The following MYL3 variants were observed in gnomAD, a reference collection of about 807,000 sequenced individuals.
The protein encoded by MYL3 is myosin light chain 3.
In MYL3, 11 loss-of-function variants were observed where a neutral mutation model predicts 21.3. The ratio of observed to expected loss-of-function variants is 0.52; its 90% CI spans 0.32 to 0.85. The LOEUF (loss-of-function observed/expected upper bound fraction) is 0.85, where lower values mean the gene tolerates loss of function less well. Ranked by LOEUF, MYL3 falls within the 40% of genes least tolerant of loss-of-function variation. The probability of loss-of-function intolerance (pLI) is 0.03; values close to 1 mark genes in which losing one functional copy is unlikely to be tolerated. For synonymous variants in MYL3, 88 were observed against 91.6 expected (o/e 0.96, Z 0.22); for missense variants, 206 against 253.3 (o/e 0.81, Z 1.27).
chr3:46,874,580 C>T lies in MYL3; in HGVS notation c.-218+7494G>A, dbSNP rs567438968. Among the ~76,000 whole-genome samples, 8 of 152,264 alleles carry T rather than the reference C, an allele frequency of 5.3e-5. No individual in the cohort carries two copies. The highest frequency in any genetic ancestry group is 3.3e-4 in the Admixed American group (5 of 15,294). On this transcript the variant is annotated intron_variant, in intron 1 of 3. Coordinates refer to the MYL3 transcript ENST00000431168. This position sits in a 1 kb window ranked among gnomAD's most constrained non-coding sequence, Gnocchi z 4.1. ...CCAGCCGGCCTCTGGAACGCGTGCCCGGGACCTCGGTGATATTTTGAGTTT... is the reference window on the plus strand; with the variant it reads ...CCAGCCGGCCTCTGGAACGCGTGCCTGGGACCTCGGTGATATTTTGAGTTT...
At chr3:46,871,447 T>A (rs866990792) in intron 1 of MYL3, among the ~76,000 whole-genome samples, 1 of 152,084 alleles carries the variant, frequency 6.6e-6, no homozygotes, top group Middle Eastern at 3.4e-3. Flanking sequence ...CCGGGCCAGA[T>A]AAGGACGGGG....
chr3:46,872,352 G>A (rs1376319034), intron 1 of MYL3, among the ~76,000 whole-genome samples: 1 of 152,182 alleles, frequency 6.6e-6, no homozygotes, highest in African/African-American at 2.4e-5. Flanking sequence ...CCATCCAAAG[G>A]GAGGCCCTGC....
intron 1 of MYL3, among the ~76,000 whole-genome samples, chr3:46,862,387 AC>A (rs1702001429): frequency 6.6e-6 from 1 of 152,104 alleles, no homozygotes; most frequent in African/African-American, 2.4e-5. Flanking sequence ...TGGGATTTGA[AC>A]CCTTGCCTCA....
At chr3:46,868,760 G>A (rs145542572) in intron 1 of MYL3, among the ~76,000 whole-genome samples, 14 of 152,354 alleles carry the variant, frequency 9.2e-5, no homozygotes, top group African/African-American at 3.4e-4. Flanking sequence ...ACTTCTCAGG[G>A]GCCTGGACTG....
At chr3:46,867,354 G>A (rs374480506), upstream of MYL3, among the ~76,000 whole-genome samples, 3 of 152,330 alleles carry the variant, frequency 2.0e-5, no homozygotes, top group South Asian at 6.2e-4. Context: ...CCAGATCAGC[G>A]TGGCCCTGTG....
In MYL3 at chr3:46,860,247, G is replaced by A. The variant is rs1435932401; in HGVS notation, c.307+429C>T. 6.6e-6 allele frequency among the ~76,000 whole-genome samples: 1 copy of A among 152,134 alleles called. No individual in the cohort carries two copies. The highest frequency in any genetic ancestry group is 1.5e-5 in the Non-Finnish European group (1 of 68,022). ...GGGCTCACGGGATCCTCCTGGCTCAGCTTCCTGAGTAGCTGGGACCATAGG... is the reference window on the plus strand; with the variant it reads ...GGGCTCACGGGATCCTCCTGGCTCAACTTCCTGAGTAGCTGGGACCATAGG... On this transcript the variant is annotated intron_variant, in intron 3 of 6. Coordinates refer to ENST00000292327, the MANE Select transcript of MYL3 (RefSeq NM_000258.3). The surrounding 1 kb of genome is among the most constrained non-coding windows in gnomAD (Gnocchi z 4.6).
rs1025571434 is a variant in MYL3, at chr3:46,859,196, C to T, written c.481+279G>A. Among the ~76,000 whole-genome samples the T allele has an allele frequency of 6.6e-6, 1 of 152,076 alleles. No homozygotes were observed. The highest frequency in any genetic ancestry group is 2.4e-5 in the African/African-American group (1 of 41,396). On this transcript the variant is annotated intron_variant, in intron 4 of 6. Transcript: ENST00000292327. The surrounding 1 kb of genome is among the most constrained non-coding windows in gnomAD (Gnocchi z 4.1). ...GACCTTGGAGTAATGACCACCAGGA[C>T]GGTGGCCTGGAGTCGTGGGAAGGAG...
chr3:46,878,872 T>C (rs2030388312), intron 1 of MYL3, among the ~76,000 whole-genome samples: 1 of 152,158 alleles, frequency 6.6e-6, no homozygotes, highest in Non-Finnish European at 1.5e-5. Flanking sequence ...GGCCCCAGCC[T>C]GGGGATTAGA....
At chr3:46,864,078 G>A (rs1330293607), upstream of MYL3, among the ~76,000 whole-genome samples, 3 of 151,914 alleles carry the variant, frequency 2.0e-5, no homozygotes, top group Non-Finnish European at 2.9e-5. The surrounding 1 kb of genome is among the most constrained non-coding windows in gnomAD (Gnocchi z 4.7). Context: ...GGCTCTGTGC[G>A]TGCCTATGTG....
intron 1 of MYL3, among the ~76,000 whole-genome samples, chr3:46,878,119 C>T (rs1174718952): frequency 1.3e-5 from 2 of 152,224 alleles, no homozygotes; most frequent in African/African-American, 2.4e-5. Flanking sequence ...GTGCCCCCAT[C>T]GCCCCTCCCT....
At chr3:46,863,519 A>C (rs1702014439), upstream of MYL3, 1 of 987,590 alleles carries the variant, frequency 1.0e-6, no homozygotes, top group Non-Finnish European at 1.5e-6. Flanking sequence ...GCAGTGCACA[A>C]TAGGGACAGG....
intron 1 of MYL3, among the ~76,000 whole-genome samples, chr3:46,873,720 G>A (rs2030029943): frequency 6.6e-6 from 1 of 152,144 alleles, no homozygotes; most frequent in African/African-American, 2.4e-5. Flanking sequence ...TGCCTCCACA[G>A]CCCCCACACC....
intron 1 of MYL3, among the ~76,000 whole-genome samples, chr3:46,881,849 C>G (rs981642506): frequency 2.0e-5 from 3 of 151,686 alleles, no homozygotes; most frequent in Admixed American, 6.6e-5. Context: ...CGGCCGGGGG[C>G]GCGCGGGGGT....
At chr3:46,867,810 C>G (rs1211778105), upstream of MYL3, among the ~76,000 whole-genome samples, 2 of 152,238 alleles carry the variant, frequency 1.3e-5, no homozygotes, top group Non-Finnish European at 2.9e-5. Flanking sequence ...GGACCCTGTC[C>G]TGGTGTGGGC....
upstream of MYL3, among the ~76,000 whole-genome samples, chr3:46,864,792 G>C (rs1253475471): frequency 6.6e-6 from 1 of 152,198 alleles, no homozygotes; most frequent in Non-Finnish European, 1.5e-5. The surrounding 1 kb of genome is among the most constrained non-coding windows in gnomAD (Gnocchi z 4.7). Context: ...TCCATCCCAA[G>C]CCCAGCCTTC....
intron 1 of MYL3, among the ~76,000 whole-genome samples, chr3:46,872,653 C>T (rs758156699): frequency 2.0e-4 from 31 of 152,256 alleles, no homozygotes; most frequent in Non-Finnish European, 3.7e-4. Flanking sequence ...CATGGTCTCA[C>T]AGCAGCAGCT....
chr3:46,876,427 C>A (rs2030217618), intron 1 of MYL3, among the ~76,000 whole-genome samples: 1 of 152,226 alleles, frequency 6.6e-6, no homozygotes, highest in African/African-American at 2.4e-5. Context: ...GAATAGCCTA[C>A]GTGTCCCAGG....
Position 46,860,708 on chromosome 3 carries a change from A to C in MYL3, c.275T>G (p.Val92Gly), listed in dbSNP as rs887145234. ...ALGQNPTQAE[V>G]LRVLGKPRQE... The stretch of plus-strand genomic sequence containing the variant: ...TCTTGGCTTCCCCAGGACACGGAGC[A>C]CTTCTGCCTGTGTGGGGTTCTGGCC... The change falls in exon 3 of 7, where the codon GTG becomes GGG. Residue 92 changes from valine (V) to glycine (G), a missense_variant. Physicochemically the swap from Val to Gly is moderately radical, Grantham distance 109. Transcript: ENST00000292327. The surrounding 1 kb of genome is among the most constrained non-coding windows in gnomAD (Gnocchi z 4.6). The C allele has an allele frequency of 6.2e-7, 1 of 1,614,068 alleles. No homozygotes were observed. The highest frequency in any genetic ancestry group is 8.5e-7 in the Non-Finnish European group (1 of 1,179,998).
rs1701972157 is a variant in MYL3 at position 46,859,906 on chromosome 3, G to A, written c.308-258C>T. On this transcript the variant is annotated intron_variant, in intron 3 of 6. Coordinates refer to ENST00000292327, the MANE Select transcript of MYL3 (RefSeq NM_000258.3). This position sits in a 1 kb window ranked among gnomAD's most constrained non-coding sequence, Gnocchi z 4.1. ...GGAGTTTGCTGCCCTGAGCCACCAC[G>A]GAGGGCTCTGTCCAGAACCCCTTGC... Among the ~76,000 whole-genome samples, 2 of 152,222 alleles carry A rather than the reference G, an allele frequency of 1.3e-5. No homozygotes were observed. The highest frequency in any genetic ancestry group is 4.2e-4 in the South Asian group (2 of 4,818).
Sources: gnomAD v4.1 joint callset for allele counts (sites outside exome capture counted in the v4.1 genomes callset) on GRCh38, gnomAD v4.1.1 for gene constraint, Gnocchi (gnomAD v3.1) non-coding constraint, MANE v1.5 for transcripts, NCBI Gene and HGNC (gene_info 2026-07-23, HGNC 2026-07-21) for gene names.